The following SORL1 variants were observed in gnomAD, a reference collection of about 807,000 sequenced individuals.
The protein encoded by SORL1 is sortilin related receptor 1.
A neutral mutation model predicts 273.7 loss-of-function variants in SORL1; 127 were observed. That is an observed-to-expected ratio of 0.46 (90% confidence interval 0.40 to 0.54). SORL1 has a LOEUF of 0.54. Among genes scored for constraint, SORL1 ranks in the 20% least tolerant of loss-of-function variants. SORL1 has a pLI of 0.00. For synonymous variants in SORL1, 1,031 were observed against 1,067.4 expected (o/e 0.97, Z 0.66); for missense variants, 2,494 against 2,846.1 (o/e 0.88, Z 2.81).
chr11:121,576,906 C>G, intron 24 of SORL1: 2 of 1,535,716 alleles, frequency 1.3e-6, no homozygotes, highest in East Asian at 2.4e-5. Flanking sequence ...TAGGAGTCCT[C>G]TGTTTCTTGA....
intron 24 of SORL1, among the ~76,000 whole-genome samples, chr11:121,576,276 C>G (rs994956051): frequency 6.6e-6 from 1 of 152,216 alleles, no homozygotes; most frequent in Non-Finnish European, 1.5e-5. Context: ...AGGGCCTGTT[C>G]CTCATAGATG....
At chr11:121,607,359 G>A (rs1339834205) in intron 37 of SORL1, 69 bp downstream of exon 37, 3 of 851,238 alleles carry the variant, frequency 3.5e-6, no homozygotes, top group Admixed American at 3.7e-5. Flanking sequence ...GCTGTTTTGT[G>A]AGAACTCTCT....
At chr11:121,475,883 A>G (rs1861259970) in intron 2 of SORL1, among the ~76,000 whole-genome samples, 3 of 152,056 alleles carry the variant, frequency 2.0e-5, no homozygotes, top group African/African-American at 4.8e-5. Context: ...TATTTATCAC[A>G]TTTGTTTATT....
At chr11:121,537,275 G>A (rs1862280365) in intron 12 of SORL1, among the ~76,000 whole-genome samples, 1 of 152,144 alleles carries the variant, frequency 6.6e-6, no homozygotes, top group Non-Finnish European at 1.5e-5. Flanking sequence ...TCCCTTTGAA[G>A]GATTTTAGTA....
chr11:121,620,351 C>G (rs957913215), intron 43 of SORL1, among the ~76,000 whole-genome samples: 7 of 152,188 alleles, frequency 4.6e-5, no homozygotes, highest in South Asian at 2.1e-4. Flanking sequence ...CTATCTGGCC[C>G]TCAACACCTA....
intron 29 of SORL1, among the ~76,000 whole-genome samples, chr11:121,589,745 A>G (rs1280881826): frequency 1.3e-5 from 2 of 152,248 alleles, no homozygotes; most frequent in African/African-American, 4.8e-5. Flanking sequence ...GATTACCATC[A>G]ATAGTTGTTT....
chr11:121,553,718 T>C (rs1159952127), intron 16 of SORL1, among the ~76,000 whole-genome samples: 3 of 152,226 alleles, frequency 2.0e-5, no homozygotes, highest in African/African-American at 7.2e-5. Flanking sequence ...CACTTGCAGA[T>C]GAAGAAACAG....
chr11:121,452,670 C>T lies in SORL1; in HGVS notation c.285+54C>T. ...CAGTTTTTTCCTCTCCCTGCACTTC[C>T]TCACCCCCGCATCCATCCGTTGCAG... On this transcript the variant is annotated intron_variant, in intron 1 of 47. Coordinates refer to ENST00000260197, the MANE Select transcript of SORL1 (RefSeq NM_003105.6). The surrounding 1 kb of genome is among the most constrained non-coding windows in gnomAD (Gnocchi z 5.3). 1.5e-6 allele frequency: 2 copies of T among 1,373,434 alleles called. No individual in the cohort carries two copies. The highest frequency in any genetic ancestry group is 9.4e-7 in the Non-Finnish European group (1 of 1,059,920). The allele number at this position is 1,373,434 out of a possible 1,614,324, so 85.1% of individuals were successfully genotyped here.
chr11:121,620,621 C>T (rs961846182), intron 43 of SORL1, among the ~76,000 whole-genome samples: 2 of 152,120 alleles, frequency 1.3e-5, no homozygotes, highest in Non-Finnish European at 2.9e-5. Flanking sequence ...CCCTTGCCCC[C>T]CTATACCCAG....
At chr11:121,533,989 T>C (rs1422523457) in intron 12 of SORL1, among the ~76,000 whole-genome samples, 1 of 152,172 alleles carries the variant, frequency 6.6e-6, no homozygotes, top group Non-Finnish European at 1.5e-5. Context: ...GTGCTATCAT[T>C]TATATACCCA....
At chr11:121,587,176 G>T (rs1460837998) in intron 27 of SORL1, among the ~76,000 whole-genome samples, 1 of 152,206 alleles carries the variant, frequency 6.6e-6, no homozygotes, top group African/African-American at 2.4e-5. Flanking sequence ...GTTGGGGTTA[G>T]TTGGGGTTCT....
rs11218299 is a variant in SORL1, at chr11:121,468,369, G to A, written c.286-1638G>A. ...CAGACATCGCTCAGCAAGAGAGGCA[G>A]CCTGTGATCCTGGTTTCATGGCATT... On this transcript the variant is annotated intron_variant, in intron 1 of 47. Coordinates refer to ENST00000260197, the MANE Select transcript of SORL1 (RefSeq NM_003105.6). 2.1e-3 allele frequency among the ~76,000 whole-genome samples: 314 copies of A among 152,282 alleles called. 6 individuals are homozygous for A. The East Asian group carries it at 0.054, about 26-fold the overall frequency.
chr11:121,470,842 T>C (rs1321632104), intron 2 of SORL1, among the ~76,000 whole-genome samples: 1 of 152,118 alleles, frequency 6.6e-6, no homozygotes, highest in Non-Finnish European at 1.5e-5. Context: ...CATGGCTGGC[T>C]AATTTTTGTG....
At chr11:121,628,142 A>G (rs553218212) in intron 47 of SORL1, among the ~76,000 whole-genome samples, 1 of 152,226 alleles carries the variant, frequency 6.6e-6, no homozygotes, top group East Asian at 1.9e-4. Context: ...ATGCTTTCCC[A>G]ATCAGCTTCT....
intron 1 of SORL1, among the ~76,000 whole-genome samples, chr11:121,458,107 G>A (rs925063080): frequency 6.6e-6 from 1 of 152,200 alleles, no homozygotes; most frequent in Non-Finnish European, 1.5e-5. Context: ...ATCATAATCT[G>A]GAGAGCAGGT....
At chr11:121,465,095 G>A (rs755836566) in intron 1 of SORL1, among the ~76,000 whole-genome samples, 1 of 152,116 alleles carries the variant, frequency 6.6e-6, no homozygotes, top group Non-Finnish European at 1.5e-5. Context: ...GCAATGTTGT[G>A]CTACCATGAT....
chr11:121,574,136 A>G (rs1448079662), intron 23 of SORL1, 105 bp from the exon 24 acceptor site: 2 of 1,135,894 alleles, frequency 1.8e-6, no homozygotes, highest in East Asian at 4.8e-5. Flanking sequence ...GCTACAATTA[A>G]TACCTGCTTT....
At position 121,621,205 on chromosome 11, in the gene SORL1, A is replaced by G. The variant is rs751445515; in HGVS notation, c.6031A>G (p.Met2011Val). The G allele has an allele frequency of 3.7e-6, 6 of 1,614,154 alleles. No homozygotes were observed. The highest frequency in any genetic ancestry group is 2.2e-5 in the South Asian group (2 of 91,076). ...KYHIIVQLGN[M>V]SKDSSIKITT... ...CCACATCATTGTCCAACTGGGGAAC[A>G]TGAGCAAAGATTCCAGCATAAAAAT... The change falls in exon 44 of 48, where the codon ATG (methionine) becomes GTG (valine). Residue 2011 changes from methionine to valine, a missense_variant. Met to Val is a conservative substitution (Grantham distance 21). Transcript: ENST00000260197.
At chr11:121,620,509 C>A (rs1010446423) in intron 43 of SORL1, among the ~76,000 whole-genome samples, 1 of 152,160 alleles carries the variant, frequency 6.6e-6, no homozygotes, top group African/African-American at 2.4e-5. Flanking sequence ...CTTCATCCAG[C>A]GGTGGTTGGT....
Sources: gnomAD v4.1 joint callset for allele counts (sites outside exome capture counted in the v4.1 genomes callset) on GRCh38, gnomAD v4.1.1 for gene constraint, Gnocchi (gnomAD v3.1) non-coding constraint, MANE v1.5 for transcripts, NCBI Gene and HGNC (gene_info 2026-07-23, HGNC 2026-07-21) for gene names.